The following AKR1A1 variants were observed in gnomAD, a reference collection of about 807,000 sequenced individuals.
AKR1A1 encodes the protein aldo-keto reductase family 1 member A1.
Under a neutral mutation model 39.2 loss-of-function variants are expected in AKR1A1, and 26 were observed. The observed-to-expected ratio is 0.66, with a 90% CI of 0.49 to 0.92. AKR1A1 has a LOEUF of 0.92. Ranked by LOEUF, AKR1A1 falls within the 40% of genes least tolerant of loss-of-function variation. The pLI, the probability that AKR1A1 is intolerant of heterozygous loss-of-function variation, is 0.00. For missense variants in AKR1A1, 378 were observed against 406.5 expected (o/e 0.93, Z 0.60); for synonymous variants, 141 against 155.5 (o/e 0.91, Z 0.69).
At chr1:45,567,791 C>T in intron 4 of AKR1A1, 191 bp from the exon 5 acceptor site, 2 of 506,268 alleles carry the variant, frequency 4.0e-6, no homozygotes, top group South Asian at 5.1e-5. Flanking sequence ...AGTGCCACTG[C>T]ACTCCAGCCT....
At chr1:45,562,417 C>CGGCAGCCTTGACCTCCTGGGCTCAA (rs1644289921) in intron 2 of AKR1A1, among the ~76,000 whole-genome samples, 1 of 150,498 alleles carries the variant, frequency 6.6e-6, no homozygotes, top group Non-Finnish European at 1.5e-5. Flanking sequence ...TCTTGGCTCA[C>CGGCAGCCTTGACCTCCTGGGCTCAA]GGCAGCCTTG....
Position 45,569,908 on chromosome 1 carries a change from C to T in AKR1A1, c.930C>T (p.Val310=), listed in dbSNP as rs774056064. 1.2e-6 allele frequency: 2 copies of T among 1,614,112 alleles called. No individual in the cohort carries two copies. Among genetic ancestry groups the T allele is most frequent in the Admixed American group, 3.3e-5 (2 of 60,022 alleles). ...CTTTCCAGGTGGATGGGAAGAGAGT[C>T]CCAAGGGATGCAGGGCATCCTCTGT... The part of the protein sequence containing the change: ...VPMLTVDGKR[V]PRDAGHPLYP... The change falls in exon 9 of 9, where the codon GTC becomes GTT. Residue 310 remains valine, a synonymous_variant. Coordinates refer to ENST00000351829, the MANE Select transcript of AKR1A1 (RefSeq NM_153326.3).
rs760275 is a variant in AKR1A1, at chr1:45,567,244, C to G, written c.356+224C>G. On this transcript the variant is annotated intron_variant, in intron 4 of 8. Coordinates refer to ENST00000351829, the MANE Select transcript of AKR1A1 (RefSeq NM_153326.3). ...AGGCAGTCTCACATGGTGTGTACCC[C>G]AGGGTATGCACCTGTAACCCTCCTG... The G allele has an allele frequency of 2.3e-3, 1,306 of 575,254 alleles. 9 individuals are homozygous for G. Among genetic ancestry groups the G allele is most frequent in the African/African-American group, 0.023 (1,211 of 53,444 alleles). 35.6% of individuals were successfully genotyped at this position (575,254 alleles called of 1,614,324 possible).
Position 45,566,850 on chromosome 1 carries a change from G to GC in AKR1A1, c.205-16dup. The GC allele has an allele frequency of 6.2e-7, 1 of 1,612,196 alleles. No homozygotes were observed. Among genetic ancestry groups the GC allele is most frequent in the Non-Finnish European group, 8.5e-7 (1 of 1,179,004 alleles). On this transcript the variant is annotated intron_variant, in intron 3 of 8. Coordinates refer to ENST00000351829, the MANE Select transcript of AKR1A1 (RefSeq NM_153326.3). ...GTGCTCATGGCTCTTCTCACTGTGG[G>GC]CCCTGCCCCCTGCACTAGGCGGTGC...
intron 1 of AKR1A1, among the ~76,000 whole-genome samples, chr1:45,555,472 A>G (rs1235312680): frequency 1.3e-5 from 2 of 151,988 alleles, no homozygotes; most frequent in African/African-American, 4.8e-5. Flanking sequence ...GGGCAACAAG[A>G]GTGAAACTGT....
At chr1:45,551,466 G>T (rs756401159) in intron 1 of AKR1A1, among the ~76,000 whole-genome samples, 12 of 152,194 alleles carry the variant, frequency 7.9e-5, no homozygotes, top group Non-Finnish European at 1.3e-4. Flanking sequence ...CTTTTTGTTT[G>T]CTCACCTATG....
chr1:45,557,572 G>A (rs1436576021), intron 1 of AKR1A1, among the ~76,000 whole-genome samples: 1 of 152,168 alleles, frequency 6.6e-6, no homozygotes, highest in Non-Finnish European at 1.5e-5. Flanking sequence ...TCTCACCCCA[G>A]GTGTAATTTC....
intron 1 of AKR1A1, among the ~76,000 whole-genome samples, chr1:45,554,351 T>G (rs1644172814): frequency 6.6e-6 from 1 of 150,558 alleles, no homozygotes; most frequent in Non-Finnish European, 1.5e-5. Flanking sequence ...TAGCTTGAGC[T>G]TGGGAGGTGG....
intron 3 of AKR1A1, 31 bp downstream of exon 3, chr1:45,566,719 A>G (rs1644349036): frequency 1.2e-6 from 2 of 1,611,922 alleles, no homozygotes; most frequent in African/African-American, 2.7e-5. Flanking sequence ...TAGAGGTGGG[A>G]TAAGAGAACT....
Position 45,557,598 on chromosome 1 carries a change from G to A in AKR1A1, c.-6-4191G>A, listed in dbSNP as rs500636. ...GTGTAATTTCAGAGCCTTCTCATGC[G>A]TGCTGGGTAATCTGCGAGAGGCCAA... On this transcript the variant is annotated intron_variant, in intron 1 of 8. Transcript: ENST00000351829. Among the ~76,000 whole-genome samples the A allele has an allele frequency of 1.3e-3, 196 of 152,222 alleles. 9 individuals are homozygous for A. Among genetic ancestry groups the A allele is most frequent in the African/African-American group, 4.3e-3 (180 of 41,532 alleles).
intron 1 of AKR1A1, chr1:45,552,611 AT>A (rs1221366090): frequency 6.6e-6 from 1 of 152,166 alleles, no homozygotes; most frequent in African/African-American, 2.4e-5. Flanking sequence ...CAGGTAAGTG[AT>A]GTGACCCTGT....
chr1:45,566,407 C>T (rs1481208385), intron 2 of AKR1A1, among the ~76,000 whole-genome samples, 162 bp from the exon 3 acceptor site: 2 of 152,154 alleles, frequency 1.3e-5, no homozygotes, highest in Non-Finnish European at 2.9e-5. Context: ...GGATTACAGG[C>T]GTGAGCCACC....
chr1:45,559,823 T>C (rs545919600), intron 1 of AKR1A1, among the ~76,000 whole-genome samples: 21 of 151,440 alleles, frequency 1.4e-4, no homozygotes, highest in African/African-American at 4.8e-4. Context: ...AATTTTTCTA[T>C]TTTTAGTAGA....
At chr1:45,560,890 G>C (rs1644268965) in intron 1 of AKR1A1, among the ~76,000 whole-genome samples, 1 of 152,092 alleles carries the variant, frequency 6.6e-6, no homozygotes, top group Non-Finnish European at 1.5e-5. Flanking sequence ...ACCACGCCTG[G>C]CTAATTTTTT....
chr1:45,560,725 C>CT (rs565611681), intron 1 of AKR1A1, among the ~76,000 whole-genome samples: 8,873 of 114,350 alleles, frequency 0.078, 428 homozygotes, highest in Non-Finnish European at 0.099. Flanking sequence ...CTCTGCAGTT[C>CT]TTTTTTTTTT....
intron 1 of AKR1A1, among the ~76,000 whole-genome samples, chr1:45,558,855 T>C (rs898465793): frequency 2.3e-4 from 35 of 152,214 alleles, no homozygotes; most frequent in African/African-American, 7.2e-4. Context: ...ACTTGCTCTA[T>C]CCTACATCCT....
chr1:45,554,547 C>G (rs2148289565), intron 1 of AKR1A1, among the ~76,000 whole-genome samples: 1 of 152,264 alleles, frequency 6.6e-6, no homozygotes, highest in South Asian at 2.1e-4. Flanking sequence ...CCACTGCACT[C>G]CAGCCTGGGC....
chr1:45,559,692 G>A lies in AKR1A1; in HGVS notation c.-6-2097G>A, dbSNP rs536872924. On this transcript the variant is annotated intron_variant, in intron 1 of 8. Transcript: ENST00000351829. ...GGAGTCTCCCTCTGTCACCCAGGCTGGAGTGCAGTGGCATGATCTCAGCTC... is the reference window on the plus strand; with the variant it reads ...GGAGTCTCCCTCTGTCACCCAGGCTAGAGTGCAGTGGCATGATCTCAGCTC... 3.3e-5 allele frequency among the ~76,000 whole-genome samples: 4 copies of A among 121,660 alleles called. No individual in the cohort carries two copies. In the East Asian group the frequency reaches 1.2e-3, roughly 35 times the overall value. 79.8% of individuals were successfully genotyped at this position (121,660 alleles called of 152,430 possible). A position where few individuals can be genotyped will look rare whatever the true frequency, so the allele number is the denominator to read the frequency against.
chr1:45,557,384 A>G (rs1570894761), intron 1 of AKR1A1, among the ~76,000 whole-genome samples: 2 of 151,992 alleles, frequency 1.3e-5, no homozygotes, highest in African/African-American at 4.8e-5. Context: ...AAAAACATCT[A>G]TGTGGCACCT....
Sources: allele counts gnomAD v4.1 joint callset (sites outside exome capture counted in the v4.1 genomes callset), GRCh38; gene constraint gnomAD v4.1.1; transcripts MANE v1.5; gene names NCBI Gene and HGNC (gene_info 2026-07-23, HGNC 2026-07-21).